Variants in DDC observed in about 807,000 individuals in gnomAD.
The protein encoded by DDC is aromatic-L-amino-acid decarboxylase.
In DDC, 43 loss-of-function variants were observed where a neutral mutation model predicts 60.0. That is an observed-to-expected ratio of 0.72 (90% confidence interval 0.56 to 0.92). The LOEUF (loss-of-function observed/expected upper bound fraction) is 0.92, where lower values mean the gene tolerates loss of function less well. DDC is among the 40% of genes least tolerant of loss of function. DDC has a pLI of 0.00. For missense variants in DDC, 573 were observed against 620.2 expected, an observed-to-expected ratio of 0.92 and a Z score of 0.81; for synonymous variants, 232 against 234.6, an observed-to-expected ratio of 0.99 and a Z score of 0.10.
At chr7:50,468,320 A>T (rs12666643) in intron 12 of DDC, among the ~76,000 whole-genome samples, 2 of 152,252 alleles carry the variant, frequency 1.3e-5, no homozygotes, top group Non-Finnish European at 2.9e-5. Flanking sequence ...GTCCCCTTTA[A>T]GAAAGAAGTG....
In DDC at chr7:50,504,068, T is replaced by C; in HGVS notation, c.715-9A>G. ...CCCAGGGTGGCAACCATCTAGAGGG[T>C]AAAAAGCAGACAGCCTTTTATTCCC... On this transcript the variant is annotated splice_polypyrimidine_tract_variant and intron_variant, in intron 6 of 14. Coordinates refer to ENST00000444124, the MANE Select transcript of DDC (RefSeq NM_001082971.2). 5 of 1,609,036 alleles carry C rather than the reference T, an allele frequency of 3.1e-6. No individual in the cohort carries two copies. Among genetic ancestry groups the C allele is most frequent in the Non-Finnish European group, 4.3e-6 (5 of 1,175,402 alleles).
chr7:50,464,098 C>T (rs1271385717), intron 13 of DDC, among the ~76,000 whole-genome samples: 2 of 151,970 alleles, frequency 1.3e-5, no homozygotes, highest in East Asian at 3.9e-4. Context: ...CTCCTCTGTC[C>T]TTCTTCTGTT....
At chr7:50,511,202 T>A (rs1169538638) in intron 6 of DDC, among the ~76,000 whole-genome samples, 1 of 151,450 alleles carries the variant, frequency 6.6e-6, no homozygotes, top group Non-Finnish European at 1.5e-5. Flanking sequence ...TAAATTACAT[T>A]TATATTTATT....
At chr7:50,494,364 G>A (rs11575431) in intron 9 of DDC, among the ~76,000 whole-genome samples, 4,077 of 152,072 alleles carry the variant, frequency 0.027, 86 homozygotes, top group African/African-American at 0.059. Context: ...AAAATTAGCC[G>A]GGCGTGGTAG....
chr7:50,497,267 A>G (rs575657818), intron 8 of DDC, among the ~76,000 whole-genome samples: 1 of 152,326 alleles, frequency 6.6e-6, no homozygotes, highest in East Asian at 1.9e-4. Context: ...GACTCATTGT[A>G]CAGCATGAAA....
At chr7:50,560,500 G>A (rs2045318405) in intron 1 of DDC, among the ~76,000 whole-genome samples, 1 of 152,100 alleles carries the variant, frequency 6.6e-6, no homozygotes, top group Non-Finnish European at 1.5e-5. Flanking sequence ...ATGATCTGGG[G>A]GAGGATGCTG....
intron 5 of DDC, among the ~76,000 whole-genome samples, chr7:50,528,659 G>A (rs11575342): frequency 0.078 from 11,896 of 152,156 alleles, 620 homozygotes; most frequent in South Asian, 0.12. Flanking sequence ...CCTGACTGTG[G>A]AGCCTTGGGG....
intron 13 of DDC, among the ~76,000 whole-genome samples, chr7:50,466,225 C>G (rs982603255): frequency 1.3e-5 from 2 of 152,214 alleles, no homozygotes; most frequent in Admixed American, 1.3e-4. Context: ...CGCAGTGGCT[C>G]ACGCCTGTAA....
intron 9 of DDC, among the ~76,000 whole-genome samples, chr7:50,486,485 T>C (rs984973960): frequency 4.6e-5 from 7 of 152,206 alleles, no homozygotes; most frequent in Middle Eastern, 3.2e-3. Flanking sequence ...AGTAAGTAGA[T>C]GATCATTAAG....
chr7:50,493,152 A>G, intron 9 of DDC: 1 of 706,134 alleles, frequency 1.4e-6, no homozygotes, highest in Non-Finnish European at 2.5e-6. Context: ...TGTGTCCCTC[A>G]ACACAGGGCT....
chr7:50,529,620 C>CTT (rs2044140713), intron 4 of DDC, among the ~76,000 whole-genome samples: 1 of 152,190 alleles, frequency 6.6e-6, no homozygotes, highest in Admixed American at 6.5e-5. Context: ...ATTGTGAGAG[C>CTT]TTCTCCTCAT....
chr7:50,537,239 C>A (rs2044446218), intron 4 of DDC, among the ~76,000 whole-genome samples: 1 of 152,176 alleles, frequency 6.6e-6, no homozygotes. Flanking sequence ...GCAGCAGCAT[C>A]TTTAAGTAAA....
intron 6 of DDC, among the ~76,000 whole-genome samples, chr7:50,504,480 C>T (rs991832962): frequency 6.6e-6 from 1 of 151,138 alleles, no homozygotes; most frequent in South Asian, 2.1e-4. Context: ...TTCTATGTAA[C>T]ATTAGTGTAA....
intron 12 of DDC, 132 bp from the exon 13 acceptor site, chr7:50,467,447 T>C: frequency 1.3e-6 from 1 of 750,228 alleles, no homozygotes; most frequent in South Asian, 1.5e-5. Context: ...TCAAGTGCTT[T>C]TACCGTTCAC....
At chr7:50,516,046 T>A (rs1359743392) in intron 6 of DDC, among the ~76,000 whole-genome samples, 1 of 152,082 alleles carries the variant, frequency 6.6e-6, no homozygotes, top group Non-Finnish European at 1.5e-5. Flanking sequence ...AAAGAAACAA[T>A]GGATTTAAAC....
intron 6 of DDC, among the ~76,000 whole-genome samples, chr7:50,513,910 G>A (rs1585212423): frequency 6.6e-6 from 1 of 152,042 alleles, no homozygotes; most frequent in East Asian, 1.9e-4. Context: ...AAAGACAAAG[G>A]GCATATAATC....
rs11575305 is a variant in DDC, at chr7:50,539,782, C to G, written c.315+133G>C. The G allele has an allele frequency of 1.6e-3, 1,132 of 703,978 alleles. 29 individuals carry two copies. In the East Asian group the frequency reaches 0.031, roughly 19 times the overall value. The allele number at this position is 703,978 out of a possible 1,614,324, so 43.6% of individuals were successfully genotyped here. On this transcript the variant is annotated intron_variant, in intron 3 of 14. Transcript: ENST00000444124. Reference sequence around the variant, plus strand: ...TCTCTGGGCTGAATCCTTTCTCCTCCCTGCAACAGTAGCCCGTCTGCCCAC... The same window carrying G: ...TCTCTGGGCTGAATCCTTTCTCCTCGCTGCAACAGTAGCCCGTCTGCCCAC...
At chr7:50,471,044 G>A (rs1380292727) in intron 11 of DDC, among the ~76,000 whole-genome samples, 2 of 152,212 alleles carry the variant, frequency 1.3e-5, no homozygotes, top group African/African-American at 4.8e-5. Flanking sequence ...TGCTTAGCCG[G>A]AGTCCTGAGT....
chr7:50,501,441 C>A (rs1456722813), intron 7 of DDC, among the ~76,000 whole-genome samples: 1 of 152,194 alleles, frequency 6.6e-6, no homozygotes, highest in Non-Finnish European at 1.5e-5. Flanking sequence ...CTGATCCATC[C>A]AAGCAGACCA....
Sources: allele counts gnomAD v4.1 joint callset (sites outside exome capture counted in the v4.1 genomes callset), GRCh38; gene constraint gnomAD v4.1.1; transcripts MANE v1.5; gene names NCBI Gene and HGNC (gene_info 2026-07-23, HGNC 2026-07-21).